Variants in NCKAP5 observed in about 807,000 individuals in gnomAD.
NCKAP5 encodes nck-associated protein 5.
In NCKAP5, 92 loss-of-function variants were observed where a neutral mutation model predicts 167.0. That is an observed-to-expected ratio of 0.55 (90% CI 0.47 to 0.66). NCKAP5 has a LOEUF of 0.66. Among genes scored for constraint, NCKAP5 ranks in the 30% least tolerant of loss-of-function variants. NCKAP5 has a pLI of 0.00. For synonymous variants in NCKAP5, 891 were observed against 877.4 expected (o/e 1.02, Z -0.27); for missense variants, 2,378 against 2,315.0 (o/e 1.03, Z -0.56).
intron 2 of NCKAP5, among the ~76,000 whole-genome samples, chr2:133,540,479 T>G (rs1686131624): frequency 6.6e-6 from 1 of 152,126 alleles, no homozygotes; most frequent in South Asian, 2.1e-4. Flanking sequence ...CTTTTTAGAC[T>G]TACTAAAAAC....
intron 5 of NCKAP5, among the ~76,000 whole-genome samples, chr2:133,196,239 T>C (rs1156477667): frequency 6.6e-6 from 1 of 152,110 alleles, no homozygotes; most frequent in Non-Finnish European, 1.5e-5. Context: ...CTAAAGTGTA[T>C]GAGCTTCAGT....
At chr2:132,748,167 C>T (rs1403878362) in intron 16 of NCKAP5, among the ~76,000 whole-genome samples, 1 of 152,162 alleles carries the variant, frequency 6.6e-6, no homozygotes, top group African/African-American at 2.4e-5. Context: ...GTTTTAGTAG[C>T]TCCATACTAG....
intron 5 of NCKAP5, among the ~76,000 whole-genome samples, chr2:133,200,960 T>C (rs537554925): frequency 9.2e-5 from 14 of 152,216 alleles, no homozygotes; most frequent in Non-Finnish European, 1.3e-4. Flanking sequence ...AAACCCTACA[T>C]ATACTATTTT....
intron 6 of NCKAP5, among the ~76,000 whole-genome samples, chr2:133,007,029 C>A (rs1051125133): frequency 2.0e-5 from 3 of 152,118 alleles, no homozygotes; most frequent in Non-Finnish European, 4.4e-5. Context: ...CCAGAAAAGT[C>A]GCTCTACCAA....
At chr2:133,621,122 G>A in the NCKAP5 span, among the ~76,000 whole-genome samples, 2,246 of 152,028 alleles carry the variant, frequency 0.015, 28 homozygotes, top group Non-Finnish European at 0.022. Flanking sequence ...CAGCAAAAGC[G>A]GTGCTAGAAG....
intron 3 of NCKAP5, among the ~76,000 whole-genome samples, chr2:133,429,811 G>A (rs1407934924): frequency 6.6e-6 from 1 of 152,014 alleles, no homozygotes; most frequent in Non-Finnish European, 1.5e-5. Flanking sequence ...TTGGTAGAAC[G>A]ATTTCTTTTC....
At chr2:133,121,590 C>T (rs916333806) in intron 6 of NCKAP5, among the ~76,000 whole-genome samples, 2 of 152,100 alleles carry the variant, frequency 1.3e-5, no homozygotes, top group African/African-American at 4.8e-5. Context: ...TTTGAAGAAG[C>T]ATGTATGGAT....
the NCKAP5 span, among the ~76,000 whole-genome samples, chr2:133,579,817 C>G: frequency 6.6e-6 from 1 of 152,138 alleles, no homozygotes; most frequent in Non-Finnish European, 1.5e-5. Context: ...GAGGTATACC[C>G]AGGCCCAATT....
the NCKAP5 span, among the ~76,000 whole-genome samples, chr2:133,597,466 G>A: frequency 5.3e-5 from 8 of 151,980 alleles, no homozygotes; most frequent in East Asian, 1.9e-4. Flanking sequence ...TCAGGAGACC[G>A]AGACCATCCT....
intron 5 of NCKAP5, among the ~76,000 whole-genome samples, chr2:133,205,203 G>T (rs2150137578): frequency 6.6e-6 from 1 of 152,232 alleles, no homozygotes; most frequent in South Asian, 2.1e-4. Flanking sequence ...TGAGGCAGGT[G>T]GGTCGCTTGA....
At chr2:133,046,967 C>T (rs963327080) in intron 6 of NCKAP5, among the ~76,000 whole-genome samples, 11 of 151,562 alleles carry the variant, frequency 7.3e-5, no homozygotes, top group Non-Finnish European at 7.4e-5. Context: ...AGTAAATTGG[C>T]AGGTTGGCTT....
At chr2:132,902,899 A>G (rs1205848078) in intron 8 of NCKAP5, among the ~76,000 whole-genome samples, 1 of 152,220 alleles carries the variant, frequency 6.6e-6, no homozygotes, top group Non-Finnish European at 1.5e-5. Context: ...CCACATGCCC[A>G]GTCCTGTGTC....
intron 5 of NCKAP5, among the ~76,000 whole-genome samples, chr2:133,167,632 T>A: frequency 6.6e-6 from 1 of 152,128 alleles, no homozygotes; most frequent in East Asian, 1.9e-4. Context: ...AACTGTTCTT[T>A]CAACTGCACC....
chr2:132,715,581 G>A (rs572257827), intron 19 of NCKAP5, among the ~76,000 whole-genome samples: 5 of 152,028 alleles, frequency 3.3e-5, no homozygotes, highest in Non-Finnish European at 5.9e-5. Context: ...GCCTCCTCAG[G>A]GCACATGTTC....
intron 7 of NCKAP5, among the ~76,000 whole-genome samples, chr2:132,972,321 GT>G (rs1300662515): frequency 1.4e-4 from 22 of 152,186 alleles, no homozygotes; most frequent in Admixed American, 3.9e-4. Flanking sequence ...TTAACAGCCT[GT>G]AACTACTTTC....
chr2:132,974,166 A>G (rs1003974560), intron 7 of NCKAP5, among the ~76,000 whole-genome samples: 3 of 152,190 alleles, frequency 2.0e-5, no homozygotes, highest in African/African-American at 7.2e-5. Flanking sequence ...TTGATGGCAA[A>G]ATGAAATTAC....
intron 3 of NCKAP5, among the ~76,000 whole-genome samples, chr2:133,317,344 T>C (rs1681682066): frequency 6.6e-6 from 1 of 152,008 alleles, no homozygotes; most frequent in African/African-American, 2.4e-5. Context: ...TGGGCAATCG[T>C]CTGTGTGATA....
At chr2:132,950,997 A>C (rs975774612) in intron 8 of NCKAP5, among the ~76,000 whole-genome samples, 20 of 152,244 alleles carry the variant, frequency 1.3e-4, no homozygotes, top group African/African-American at 4.6e-4. Context: ...CAAATGAGAC[A>C]AAGGTAAGGG....
chr2:133,104,174 C>A (rs1452830110), intron 6 of NCKAP5, among the ~76,000 whole-genome samples: 1 of 151,964 alleles, frequency 6.6e-6, no homozygotes, highest in African/African-American at 2.4e-5. Context: ...TGATTTCTTA[C>A]CAAATAACAG....
Sources: allele counts gnomAD v4.1 joint callset (sites outside exome capture counted in the v4.1 genomes callset), GRCh38; gene constraint gnomAD v4.1.1; transcripts MANE v1.5; gene names NCBI Gene and HGNC (gene_info 2026-07-23, HGNC 2026-07-21).